Variants in ZNF385D observed in about 807,000 individuals in gnomAD.
ZNF385D encodes zinc finger protein 385D.
In ZNF385D, 15 loss-of-function variants were observed where a neutral mutation model predicts 35.8. That is an observed-to-expected ratio of 0.42 (90% CI 0.28 to 0.64). The LOEUF (loss-of-function observed/expected upper bound fraction) is 0.64. Ranked by LOEUF, ZNF385D falls within the 30% of genes least tolerant of loss-of-function variation. ZNF385D has a pLI of 0.23. For missense variants in ZNF385D, 474 were observed against 494.6 expected (o/e 0.96, Z 0.39); for synonymous variants, 212 against 186.8 (o/e 1.13, Z -1.10).
chr3:22,096,404 T>C (rs1356091687), intron 3 of ZNF385D, among the ~76,000 whole-genome samples: 1 of 152,080 alleles, frequency 6.6e-6, no homozygotes, highest in Non-Finnish European at 1.5e-5. Context: ...ATAGGGCTTC[T>C]TGAATTATAA....
intron 3 of ZNF385D, among the ~76,000 whole-genome samples, chr3:22,031,283 T>C (rs151189095): frequency 1.3e-5 from 2 of 152,352 alleles, no homozygotes; most frequent in Non-Finnish European, 2.9e-5. Context: ...CAAGCCCACA[T>C]TTCCCTTGCA....
In ZNF385D at chr3:21,498,583, G is replaced by A. The variant is rs553240727; in HGVS notation, c.439+12278C>T. Among the ~76,000 whole-genome samples, 20 of 71,826 alleles carry A rather than the reference G, an allele frequency of 2.8e-4. 1 individual carries two copies. The allele number at this position is 71,826 out of a possible 152,430, so 47.1% of individuals were successfully genotyped here. A position where few individuals can be genotyped will look rare whatever the true frequency, so the allele number is the denominator to read the frequency against. On this transcript the variant is annotated intron_variant, in intron 4 of 7. Coordinates refer to ENST00000281523, the MANE Select transcript of ZNF385D (RefSeq NM_024697.3). ...ATTTTCAAAAGAAGACATACACATG[G>A]CCAAAAACATAGGAAAAAATGCTCA...
At chr3:22,354,994 T>C (rs9854657) in intron 2 of ZNF385D, among the ~76,000 whole-genome samples, 50,284 of 151,896 alleles carry the variant, frequency 0.33, 9,102 homozygotes, top group African/African-American at 0.45. Context: ...CAACATTGTT[T>C]GTACCCTTTA....
At chr3:21,845,446 C>G (rs1479805105) in intron 3 of ZNF385D, among the ~76,000 whole-genome samples, 1 of 151,752 alleles carries the variant, frequency 6.6e-6, no homozygotes, top group African/African-American at 2.4e-5. Context: ...TCTTTAAATC[C>G]CTTTTCAGAT....
rs148594401 is a variant in ZNF385D at position 21,901,854 on chromosome 3, C to T, written c.326-236826G>A. Among the ~76,000 whole-genome samples, 879 of 152,236 alleles carry T rather than the reference C, an allele frequency of 5.8e-3. 10 individuals carry two copies. The highest frequency in any genetic ancestry group is 0.018 in the African/African-American group (739 of 41,544). On this transcript the variant is annotated intron_variant, in intron 3 of 5. Transcript: ENST00000494108. Reference sequence around the variant, plus strand: ...AAGGAAAGTAGAAATACTTGGATAACGAAAGAAGAATCTCAGCAAAGGGAA... The same window carrying T: ...AAGGAAAGTAGAAATACTTGGATAATGAAAGAAGAATCTCAGCAAAGGGAA...
At chr3:22,171,104 C>T (rs1035758222) in intron 2 of ZNF385D, among the ~76,000 whole-genome samples, 1 of 131,030 alleles carries the variant, frequency 7.6e-6, no homozygotes, top group African/African-American at 3.1e-5. Flanking sequence ...ACATGATGAC[C>T]ATTTATTATG....
chr3:22,020,103 T>A (rs1367834663), intron 3 of ZNF385D, among the ~76,000 whole-genome samples: 1 of 151,916 alleles, frequency 6.6e-6, no homozygotes, highest in Non-Finnish European at 1.5e-5. Context: ...TTAAAAAGAA[T>A]CCTTCATTAG....
intron 2 of ZNF385D, among the ~76,000 whole-genome samples, chr3:22,196,534 G>T (rs1488050577): frequency 6.6e-6 from 1 of 151,262 alleles, no homozygotes; most frequent in African/African-American, 2.4e-5. Flanking sequence ...TTTATTCTCT[G>T]TTATCTTGTT....
Position 22,101,335 on chromosome 3 carries a change from C to G in ZNF385D, c.325+67482G>C, listed in dbSNP as rs999335368. 2.0e-5 allele frequency among the ~76,000 whole-genome samples: 3 copies of G among 151,904 alleles called. No individual in the cohort carries two copies. In the East Asian group the frequency reaches 5.8e-4, roughly 29 times the overall value. On this transcript the variant is annotated intron_variant, in intron 3 of 5. Coordinates refer to the ZNF385D transcript ENST00000494108. Reference sequence around the variant, plus strand: ...AGAGAGATAGAAGTAGGTATAGATACACATACATAACCTTCCATGAGCATA... The same window carrying G: ...AGAGAGATAGAAGTAGGTATAGATAGACATACATAACCTTCCATGAGCATA...
chr3:22,009,326 T>G (rs1466285584), intron 3 of ZNF385D, among the ~76,000 whole-genome samples: 1 of 151,814 alleles, frequency 6.6e-6, no homozygotes, highest in Non-Finnish European at 1.5e-5. Flanking sequence ...ATAAATATTT[T>G]TTAAAAAATA....
At chr3:21,481,390 T>C (rs1335176786) in intron 4 of ZNF385D, among the ~76,000 whole-genome samples, 1 of 151,962 alleles carries the variant, frequency 6.6e-6, no homozygotes, top group Non-Finnish European at 1.5e-5. Context: ...GTCAACAGAG[T>C]AGACTGTAAA....
At chr3:22,258,995 T>C (rs1334590520) in intron 2 of ZNF385D, among the ~76,000 whole-genome samples, 1 of 149,292 alleles carries the variant, frequency 6.7e-6, no homozygotes, top group African/African-American at 2.5e-5. Flanking sequence ...GATGTACTTA[T>C]TTCTTACTAC....
chr3:22,186,652 T>C (rs9868020), intron 2 of ZNF385D, among the ~76,000 whole-genome samples: 15,890 of 152,118 alleles, frequency 0.1, 2,242 homozygotes, highest in African/African-American at 0.32. Context: ...AAGAATTTGA[T>C]ATATTTTTGG....
intron 3 of ZNF385D, among the ~76,000 whole-genome samples, chr3:21,975,840 T>G (rs992860068): frequency 1.3e-5 from 2 of 151,130 alleles, no homozygotes; most frequent in African/African-American, 4.9e-5. Context: ...TAAGTGAGAT[T>G]GGCAATCAAT....
At chr3:22,333,182 A>G (rs1478134746) in intron 2 of ZNF385D, among the ~76,000 whole-genome samples, 1 of 152,172 alleles carries the variant, frequency 6.6e-6, no homozygotes, top group Non-Finnish European at 1.5e-5. Flanking sequence ...CTGTAATTCA[A>G]ATCATTGACC....
At chr3:22,062,703 A>C (rs1410269966) in intron 3 of ZNF385D, among the ~76,000 whole-genome samples, 1 of 152,174 alleles carries the variant, frequency 6.6e-6, no homozygotes, top group Admixed American at 6.5e-5. Flanking sequence ...AGTAGAGTGT[A>C]GTAGAATTAA....
intron 3 of ZNF385D, among the ~76,000 whole-genome samples, chr3:21,773,430 A>G (rs1273301291): frequency 1.3e-5 from 2 of 151,996 alleles, no homozygotes. Context: ...GAATCTCATT[A>G]AACTAAAGAG....
intron 3 of ZNF385D, among the ~76,000 whole-genome samples, chr3:21,965,396 C>T (rs1456268981): frequency 2.0e-5 from 3 of 152,134 alleles, no homozygotes; most frequent in South Asian, 2.1e-4. Context: ...AAGACAGATA[C>T]ATTTCCTAGA....
chr3:22,251,513 C>A (rs554272769), intron 2 of ZNF385D, among the ~76,000 whole-genome samples: 12 of 152,064 alleles, frequency 7.9e-5, no homozygotes, highest in Non-Finnish European at 1.5e-4. Flanking sequence ...GTTTCTCCAC[C>A]TTTACCTTAG....
Sources: allele counts gnomAD v4.1 joint callset (sites outside exome capture counted in the v4.1 genomes callset), GRCh38; gene constraint gnomAD v4.1.1; transcripts MANE v1.5; gene names NCBI Gene and HGNC (gene_info 2026-07-23, HGNC 2026-07-21).